The following PCDHA3 variants were observed in gnomAD, a reference collection of about 807,000 sequenced individuals.
PCDHA3 encodes the protein protocadherin alpha 3.
Under a neutral mutation model 62.2 loss-of-function variants are expected in PCDHA3, and 41 were observed. The ratio of observed to expected loss-of-function variants is 0.66; its 90% CI spans 0.51 to 0.86. The LOEUF is 0.86. Among genes scored for constraint, PCDHA3 ranks in the 40% least tolerant of loss-of-function variants. The pLI is 0.00. For synonymous variants in PCDHA3, 640 were observed against 555.4 expected, an observed-to-expected ratio of 1.15 and a Z score of -2.14; for missense variants, 1,304 against 1,241.2, an observed-to-expected ratio of 1.05 and a Z score of -0.76.
chr5:140,822,737 C>T lies in PCDHA3; in HGVS notation c.2394+19146C>T, dbSNP rs140652619. Reference sequence around the variant, plus strand: ...AACTCATATGAAATTAATATTGATGCCATGGATAAAAGTACATTCCCATTA... The same window carrying T: ...AACTCATATGAAATTAATATTGATGTCATGGATAAAAGTACATTCCCATTA... On this transcript the variant is annotated intron_variant, in intron 1 of 3. Transcript: ENST00000522353. The T allele has an allele frequency of 1.5e-5, 24 of 1,613,148 alleles. No homozygotes were observed. The highest frequency in any genetic ancestry group is 1.9e-5 in the Non-Finnish European group (22 of 1,179,124).
intron 1 of PCDHA3, 27 bp from the exon 2 acceptor site, chr5:140,978,922 C>G: frequency 6.2e-7 from 1 of 1,613,966 alleles, no homozygotes; most frequent in Non-Finnish European, 8.5e-7. Context: ...GTCATTTTAA[C>G]AGAAAACTCT....
intron 1 of PCDHA3, among the ~76,000 whole-genome samples, chr5:140,954,779 G>T (rs2095086497): frequency 6.6e-6 from 1 of 152,108 alleles, no homozygotes; most frequent in Non-Finnish European, 1.5e-5. Flanking sequence ...AATTTAATTA[G>T]ATCTCATTTG....
At chr5:140,880,693 T>C (rs2058435381) in intron 1 of PCDHA3, among the ~76,000 whole-genome samples, 1 of 152,222 alleles carries the variant, frequency 6.6e-6, no homozygotes. Context: ...TAGTCATGGT[T>C]AAGTGACAAT....
intron 1 of PCDHA3, among the ~76,000 whole-genome samples, chr5:140,925,578 A>G (rs1378824182): frequency 6.6e-6 from 1 of 151,838 alleles, no homozygotes; most frequent in African/African-American, 2.4e-5. Flanking sequence ...GCACACCAAC[A>G]TGGCGCATGT....
chr5:140,828,017 TA>T lies in PCDHA3; in HGVS notation c.2394+24429del, dbSNP rs1483832628. 6 of 1,514,042 alleles carry T rather than the reference TA, an allele frequency of 4.0e-6. No individual in the cohort carries two copies. In the African/African-American group the frequency reaches 8.4e-5, roughly 21 times the overall value. 93.8% of individuals were successfully genotyped at this position (1,514,042 alleles called of 1,614,324 possible). A position where few individuals can be genotyped will look rare whatever the true frequency, so the allele number is the denominator to read the frequency against. ...GGCGGACGCAGAAGAAATGGATTAA[TA>T]AATTCCGGAACATACAGTATTTTAT... is the stretch of plus-strand genomic sequence containing the variant. On this transcript the variant is annotated intron_variant, in intron 1 of 3. Transcript: ENST00000522353.
At chr5:140,847,405 A>T (rs2150400080) in intron 1 of PCDHA3, 5 of 149,702 alleles carry the variant, frequency 3.3e-5, no homozygotes, top group African/African-American at 1.2e-4. Context: ...GGCACAATAA[A>T]CACTCACGGT....
intron 1 of PCDHA3, among the ~76,000 whole-genome samples, chr5:140,846,706 T>C (rs1780634122): frequency 6.7e-6 from 1 of 149,360 alleles, no homozygotes. Context: ...GAGAAGATTG[T>C]AATAACCAGT....
chr5:140,884,820 T>C (rs1318105542), intron 1 of PCDHA3: 4 of 1,013,184 alleles, frequency 3.9e-6, no homozygotes, highest in African/African-American at 3.3e-5. Context: ...GTGGACATTA[T>C]GTGTTGGATT....
intron 1 of PCDHA3, chr5:140,869,699 C>T (rs10071369): frequency 6.2e-7 from 1 of 1,613,378 alleles, no homozygotes; most frequent in East Asian, 2.2e-5. Context: ...TTAAAGAAGT[C>T]TCTGGATAGA....
chr5:140,874,526 T>G (rs2054964457), intron 1 of PCDHA3, among the ~76,000 whole-genome samples: 1 of 152,242 alleles, frequency 6.6e-6, no homozygotes. Flanking sequence ...GTCAATGAGA[T>G]TAGGCTCCAA....
chr5:140,842,820 G>A (rs1554139418), intron 1 of PCDHA3: 2 of 1,593,888 alleles, frequency 1.3e-6, no homozygotes, highest in African/African-American at 2.7e-5. Context: ...CGGCGGGTGG[G>A]CGAGCGCTCG....
At chr5:140,846,314 A>T (rs888599535) in intron 1 of PCDHA3, among the ~76,000 whole-genome samples, 1 of 148,000 alleles carries the variant, frequency 6.8e-6, no homozygotes, top group African/African-American at 2.5e-5. Context: ...CCATTTATGT[A>T]GAGTGTTGTA....
chr5:140,828,337 C>A (rs2150154225), intron 1 of PCDHA3: 1 of 1,614,234 alleles, frequency 6.2e-7, no homozygotes. Flanking sequence ...TGCAGAATGG[C>A]ATTTTGTTTG....
At chr5:140,852,978 A>T in intron 1 of PCDHA3, 1 of 358,934 alleles carries the variant, frequency 2.8e-6, no homozygotes, top group Non-Finnish European at 4.1e-6. Flanking sequence ...TCCCGTGTTC[A>T]CGCCATTCTC....
intron 1 of PCDHA3, chr5:140,968,910 T>G (rs782307931): frequency 1.9e-6 from 3 of 1,613,974 alleles, no homozygotes; most frequent in Non-Finnish European, 2.5e-6. Flanking sequence ...TTAAGCACAG[T>G]GTCTTTTATA....
chr5:140,816,342 A>C (rs1554127037), intron 1 of PCDHA3: 3 of 152,042 alleles, frequency 2.0e-5, no homozygotes, highest in Non-Finnish European at 4.4e-5. Context: ...CAGTTCCAAA[A>C]TTTCTTTTTA....
intron 1 of PCDHA3, chr5:140,809,766 A>G (rs1484637756): frequency 3.3e-5 from 19 of 581,822 alleles, no homozygotes; most frequent in Non-Finnish European, 5.3e-5. Flanking sequence ...TTTATGCTGC[A>G]TTATTCAATG....
At chr5:140,846,601 C>T (rs1554141391) in intron 1 of PCDHA3, among the ~76,000 whole-genome samples, 1 of 148,800 alleles carries the variant, frequency 6.7e-6, no homozygotes, top group Non-Finnish European at 1.5e-5. Flanking sequence ...GTCTCGATCT[C>T]CTGACCTCCT....
At chr5:140,839,340 G>A (rs1354702544) in intron 1 of PCDHA3, among the ~76,000 whole-genome samples, 1 of 150,850 alleles carries the variant, frequency 6.6e-6, no homozygotes, top group Admixed American at 6.6e-5. Context: ...AAGTTGATAG[G>A]GGATCCTCCT....
Sources: gnomAD v4.1 joint callset for allele counts (sites outside exome capture counted in the v4.1 genomes callset) on GRCh38, gnomAD v4.1.1 for gene constraint, MANE v1.5 for transcripts, NCBI Gene and HGNC (gene_info 2026-07-23, HGNC 2026-07-21) for gene names.